The following ROCK2 variants were observed in gnomAD, a reference collection of about 807,000 sequenced individuals.
The protein encoded by ROCK2 is Rho associated coiled-coil containing protein kinase 2.
In ROCK2, 61 loss-of-function variants were observed where a neutral mutation model predicts 195.1. That is an observed-to-expected ratio of 0.31 (90% CI 0.25 to 0.39). ROCK2 has a LOEUF of 0.39. Ranked by LOEUF, ROCK2 falls within the 10% of genes least tolerant of loss-of-function variation. ROCK2 has a pLI of 1.00. For synonymous variants in ROCK2, 504 were observed against 545.5 expected (o/e 0.92, Z 1.06); for missense variants, 1,109 against 1,637.4 (o/e 0.68, Z 5.57).
At chr2:11,321,295 C>T (rs1377307066) in intron 1 of ROCK2, among the ~76,000 whole-genome samples, 2 of 152,060 alleles carry the variant, frequency 1.3e-5, no homozygotes, top group East Asian at 3.9e-4. Flanking sequence ...CGTGCCTCAG[C>T]CTCCCGAGTA....
chr2:11,285,202 C>CGG lies in ROCK2; in HGVS notation c.324+1335_324+1336dup, dbSNP rs199513830. Reference sequence around the variant, plus strand: ...GCTTGAACCCGGGGGGTGGAGGTTACGGTGAGCCGAGATCGCGCCATTGCA... The same window carrying CGG: ...GCTTGAACCCGGGGGGTGGAGGTTACGGGGTGAGCCGAGATCGCGCCATTGCA... On this transcript the variant is annotated intron_variant, in intron 3 of 32. Transcript: ENST00000315872. Among the ~76,000 whole-genome samples the CGG allele has an allele frequency of 9.1e-3, 1,334 of 147,084 alleles. 16 individuals are homozygous for CGG. Among genetic ancestry groups the CGG allele is most frequent in the African/African-American group, 0.032 (1,259 of 39,464 alleles).
chr2:11,316,393 TA>T (rs1438811595), intron 1 of ROCK2, among the ~76,000 whole-genome samples: 3 of 152,128 alleles, frequency 2.0e-5, no homozygotes, highest in Admixed American at 6.6e-5. Context: ...CAGGTTTATA[TA>T]ACAATAAAGG....
chr2:11,306,968 T>G (rs2148224595), intron 1 of ROCK2, among the ~76,000 whole-genome samples: 1 of 152,278 alleles, frequency 6.6e-6, no homozygotes, highest in Non-Finnish European at 1.5e-5. Context: ...GAAAAAAGAA[T>G]GACGCCAAAC....
At chr2:11,242,598 T>C (rs1359279670) in intron 4 of ROCK2, among the ~76,000 whole-genome samples, 5 of 152,124 alleles carry the variant, frequency 3.3e-5, no homozygotes, top group Non-Finnish European at 5.9e-5. Flanking sequence ...AAGTATGATC[T>C]TGAAGAAACT....
At chr2:11,243,746 G>A (rs963610559) in intron 4 of ROCK2, among the ~76,000 whole-genome samples, 5 of 152,102 alleles carry the variant, frequency 3.3e-5, no homozygotes, top group Non-Finnish European at 7.4e-5. Flanking sequence ...AGGAAGACAC[G>A]ATAACTAAAT....
chr2:11,182,516 CAAT>C lies in ROCK2; in HGVS notation c.*918_*920del, dbSNP rs1663043551. On this transcript the variant is annotated 3_prime_UTR_variant, in exon 33 of 33. Coordinates refer to ENST00000315872, the MANE Select transcript of ROCK2 (RefSeq NM_004850.5). ...CACCATCCATTATTGTTTCTATAAC[CAAT>C]AATACTTTAAAAACATTTGTTAATC... 6.6e-6 allele frequency: 1 copy of C among 151,998 alleles called. No individual in the cohort carries two copies. Among genetic ancestry groups the C allele is most frequent in the Admixed American group, 6.6e-5 (1 of 15,254 alleles). The allele number at this position is 151,998 out of a possible 1,614,324, so 9.4% of individuals were successfully genotyped here. A position where few individuals can be genotyped will look rare whatever the true frequency, so the allele number is the denominator to read the frequency against.
At chr2:11,258,434 CTTAG>C (rs1666110020) in intron 3 of ROCK2, among the ~76,000 whole-genome samples, 1 of 151,586 alleles carries the variant, frequency 6.6e-6, no homozygotes, top group South Asian at 2.1e-4. Flanking sequence ...GTCAACTGCT[CTTAG>C]TTAATTCTTT....
At chr2:11,249,626 A>C in intron 4 of ROCK2, 35 bp downstream of exon 4, 1 of 1,419,698 alleles carries the variant, frequency 7.0e-7, no homozygotes, top group Non-Finnish European at 9.2e-7. Flanking sequence ...ACTCATAAAA[A>C]AAGGAAATAA....
chr2:11,200,516 C>T (rs1027878329), intron 23 of ROCK2, among the ~76,000 whole-genome samples: 2 of 152,176 alleles, frequency 1.3e-5, no homozygotes, highest in Non-Finnish European at 2.9e-5. Context: ...TTCATTTCCA[C>T]TGAACAGGAT....
At chr2:11,238,218 G>GTGTGTGTGTGTGTGTGTGTGTGTGTA (rs1665288577) in intron 4 of ROCK2, among the ~76,000 whole-genome samples, 2 of 150,360 alleles carry the variant, frequency 1.3e-5, no homozygotes, top group African/African-American at 4.9e-5. Context: ...GAGTGTGTGT[G>GTGTGTGTGTGTGTGTGTGTGTGTGTA]TGTGTGTGTG....
intron 1 of ROCK2, among the ~76,000 whole-genome samples, chr2:11,333,109 T>C (rs1382527786): frequency 6.6e-6 from 1 of 152,180 alleles, no homozygotes; most frequent in Non-Finnish European, 1.5e-5. Flanking sequence ...TTACTAAAAA[T>C]CATTATATTG....
rs539048621 is a variant in ROCK2, at chr2:11,304,629, C to T, written c.142-16893G>A. Among the ~76,000 whole-genome samples the T allele has an allele frequency of 2.7e-4, 41 of 152,338 alleles. No homozygotes were observed. The South Asian group carries it at 3.1e-3, about 12-fold the overall frequency. On this transcript the variant is annotated intron_variant, in intron 1 of 32. Coordinates refer to ENST00000315872, the MANE Select transcript of ROCK2 (RefSeq NM_004850.5). ...TCACTCCTCTGTTCAAAACCTCCAA[C>T]GGCTTCCCATTTCATTGAGAGTAAA...
chr2:11,216,973 C>G (rs947952497), intron 12 of ROCK2, 117 bp downstream of exon 12: 1 of 531,962 alleles, frequency 1.9e-6, no homozygotes, highest in Non-Finnish European at 3.4e-6. Flanking sequence ...CCACCCACCT[C>G]GGCCTCCCAA....
chr2:11,315,932 G>C (rs1006739595), intron 1 of ROCK2, among the ~76,000 whole-genome samples: 1 of 152,114 alleles, frequency 6.6e-6, no homozygotes, highest in Admixed American at 6.6e-5. Context: ...GTAGCCACTA[G>C]CCACATGTAG....
rs776237815 is a variant in ROCK2, at chr2:11,194,412, G to T, written c.3520-68C>A. 417 of 557,738 alleles carry T rather than the reference G, an allele frequency of 7.5e-4. 2 individuals are homozygous for T. The highest frequency in any genetic ancestry group is 6.7e-4 in the Middle Eastern group (2 of 2,964). 34.5% of individuals were successfully genotyped at this position (557,738 alleles called of 1,614,324 possible). On this transcript the variant is annotated intron_variant, in intron 28 of 32. Coordinates refer to ENST00000315872, the MANE Select transcript of ROCK2 (RefSeq NM_004850.5). ...ATATACCTTATTTATTGATTTTTTTGAAAATAAATTCTATATTAGCAATAA... is the reference window on the plus strand; with the variant it reads ...ATATACCTTATTTATTGATTTTTTTTAAAATAAATTCTATATTAGCAATAA...
At chr2:11,255,718 G>A (rs181694506) in intron 3 of ROCK2, among the ~76,000 whole-genome samples, 1 of 150,622 alleles carries the variant, frequency 6.6e-6, no homozygotes, top group African/African-American at 2.5e-5. Context: ...TCAGGAGTTC[G>A]AGACCAGCCT....
chr2:11,236,948 C>T (rs1343136851), intron 4 of ROCK2, among the ~76,000 whole-genome samples: 2 of 152,014 alleles, frequency 1.3e-5, no homozygotes, highest in Non-Finnish European at 2.9e-5. Flanking sequence ...GTCAGGAGTT[C>T]GAGACCAGCC....
chr2:11,287,909 G>C (rs952160523), intron 1 of ROCK2, among the ~76,000 whole-genome samples, 173 bp from the exon 2 acceptor site: 1 of 152,154 alleles, frequency 6.6e-6, no homozygotes, highest in Non-Finnish European at 1.5e-5. Flanking sequence ...CCTAACCTCT[G>C]TCAGAGAATA....
intron 3 of ROCK2, among the ~76,000 whole-genome samples, chr2:11,282,571 G>A: frequency 7.9e-6 from 1 of 127,030 alleles, no homozygotes; most frequent in Non-Finnish European, 1.6e-5. Flanking sequence ...ACGATGGATT[G>A]AACAAATGTT....
Sources: allele counts gnomAD v4.1 joint callset (sites outside exome capture counted in the v4.1 genomes callset), GRCh38; gene constraint gnomAD v4.1.1; transcripts MANE v1.5; gene names NCBI Gene and HGNC (gene_info 2026-07-23, HGNC 2026-07-21).